Variants in TP53I13 observed in about 807,000 individuals in gnomAD.
The protein encoded by TP53I13 is tumor protein p53-inducible protein 13.
A neutral mutation model predicts 39.1 loss-of-function variants in TP53I13; 27 were observed. The observed-to-expected ratio is 0.69, with a 90% CI of 0.51 to 0.95. The LOEUF (loss-of-function observed/expected upper bound fraction) is 0.95. Among genes scored for constraint, TP53I13 ranks in the 40% least tolerant of loss-of-function variants. The pLI is 0.00. For missense variants in TP53I13, 544 were observed against 520.4 expected, an observed-to-expected ratio of 1.05 and a Z score of -0.44; for synonymous variants, 230 against 224.6, an observed-to-expected ratio of 1.02 and a Z score of -0.22.
At chr17:29,574,523 T>A, downstream of TP53I13, 1 of 667,112 alleles carries the variant, frequency 1.5e-6, no homozygotes, top group South Asian at 1.7e-5. Context: ...CCCCCCCACC[T>A]CCCCATCCTT....
chr17:29,569,381 C>G, intron 3 of TP53I13, 22 bp downstream of exon 3: 11 of 1,612,678 alleles, frequency 6.8e-6, no homozygotes, highest in Non-Finnish European at 9.3e-6. Context: ...CAGGGGCCCA[C>G]CACCCTTGGT....
intron 3 of TP53I13, 82 bp downstream of exon 3, chr17:29,569,441 C>A: frequency 7.2e-7 from 1 of 1,382,056 alleles, no homozygotes; most frequent in Middle Eastern, 2.0e-4. Context: ...GCCTGTTCTG[C>A]TGATCGGCCC....
At chr17:29,578,701 A>G in the TP53I13 span, 2 of 1,599,186 alleles carry the variant, frequency 1.3e-6, no homozygotes, top group South Asian at 2.2e-5. Context: ...GCCAGCTTCA[A>G]GTGTCAGGGC....
rs1416622735 is a variant in TP53I13 at position 29,572,969 on chromosome 17, G to C, written c.*45G>C. On this transcript the variant is annotated 3_prime_UTR_variant, in exon 7 of 7. Coordinates refer to ENST00000301057, the MANE Select transcript of TP53I13 (RefSeq NM_138349.4). Reference sequence around the variant, plus strand: ...GTGGCGTGCGGCTCCTCCCCGCGCCGCGAGGCCGCGACCTCTGCCACGTGG... The same window carrying C: ...GTGGCGTGCGGCTCCTCCCCGCGCCCCGAGGCCGCGACCTCTGCCACGTGG... 7.4e-7 allele frequency: 1 copy of C among 1,347,276 alleles called. No individual in the cohort carries two copies. Among genetic ancestry groups the C allele is most frequent in the African/African-American group, 1.5e-5 (1 of 64,900 alleles). 83.5% of individuals were successfully genotyped at this position (1,347,276 alleles called of 1,614,324 possible).
chr17:29,566,993 A>C (rs2032733428), upstream of TP53I13: 4 of 1,287,464 alleles, frequency 3.1e-6, no homozygotes, highest in Non-Finnish European at 3.9e-6. Flanking sequence ...CCCGGCGGGC[A>C]GCGGGCGGCG....
chr17:29,570,293 A>T lies in TP53I13; in HGVS notation c.183+934A>T, dbSNP rs573175555. 7.4e-5 allele frequency: 11 copies of T among 147,958 alleles called. No individual in the cohort carries two copies. The East Asian group carries it at 2.4e-3, about 32-fold the overall frequency. 9.2% of individuals were successfully genotyped at this position (147,958 alleles called of 1,614,324 possible). A position where few individuals can be genotyped will look rare whatever the true frequency, so the allele number is the denominator to read the frequency against. ...GAGGCTGAGGCGGGTGGAACACCTG[A>T]GGTCAGGAGTTCAAGACCAGCTTGG... On this transcript the variant is annotated intron_variant, in intron 3 of 6. Coordinates refer to ENST00000301057, the MANE Select transcript of TP53I13 (RefSeq NM_138349.4).
At chr17:29,576,469 G>A (rs73986960), downstream of TP53I13, 1 of 1,612,890 alleles carries the variant, frequency 6.2e-7, no homozygotes, top group Non-Finnish European at 8.5e-7. Context: ...GCAAAGTGCT[G>A]TCAACCCCCT....
rs1041455364 is a variant in TP53I13 at position 29,569,492 on chromosome 17, T to G, written c.183+133T>G. The G allele has an allele frequency of 6.0e-6, 5 of 831,726 alleles. No individual in the cohort carries two copies. The Admixed American group carries it at 1.2e-4, about 20-fold the overall frequency. 51.5% of individuals were successfully genotyped at this position (831,726 alleles called of 1,614,324 possible). A position where few individuals can be genotyped will look rare whatever the true frequency, so the allele number is the denominator to read the frequency against. ...CCCTCAGGCAGAGGCAGGGTTCTAGTTCTCTGCCCCACCTCCAAGCCCAGG... is the reference window on the plus strand; with the variant it reads ...CCCTCAGGCAGAGGCAGGGTTCTAGGTCTCTGCCCCACCTCCAAGCCCAGG... On this transcript the variant is annotated intron_variant, in intron 3 of 6. Coordinates refer to ENST00000301057, the MANE Select transcript of TP53I13 (RefSeq NM_138349.4).
downstream of TP53I13, chr17:29,575,787 T>G: frequency 6.2e-7 from 1 of 1,608,972 alleles, no homozygotes. This position sits in a 1 kb window ranked among gnomAD's most constrained non-coding sequence, Gnocchi z 5.5. Context: ...AGCCACCCTG[T>G]GGGCACTGGG....
the TP53I13 span, chr17:29,581,305 G>C: frequency 6.4e-7 from 1 of 1,572,350 alleles, no homozygotes; most frequent in Non-Finnish European, 8.8e-7. The surrounding 1 kb of genome is among the most constrained non-coding windows in gnomAD (Gnocchi z 4.8). Context: ...GCATCCAACA[G>C]CCTCTGGAAA....
chr17:29,572,870 A>AC lies in TP53I13; in HGVS notation c.1132dup (p.Leu378ProfsTer68). 3 of 1,520,724 alleles carry AC rather than the reference A, an allele frequency of 2.0e-6. No homozygotes were observed. The highest frequency in any genetic ancestry group is 2.0e-5 in the Admixed American group (1 of 49,838). 94.2% of individuals were successfully genotyped at this position (1,520,724 alleles called of 1,614,324 possible). ...GCCGGGTCAAGCGCTCGCGCCGGAG[A>AC]CCCCTCCTCCCGCCCACGCCGGACA... On this transcript the variant is annotated frameshift_variant, in exon 7 of 7. Coordinates refer to ENST00000301057, the MANE Select transcript of TP53I13 (RefSeq NM_138349.4). LOFTEE classifies it high-confidence loss of function.
Position 29,572,939 on chromosome 17 carries a change from C to G in TP53I13, c.*15C>G. On this transcript the variant is annotated 3_prime_UTR_variant, in exon 7 of 7. Transcript: ENST00000301057. ...GCTCGGAGTGACGGCCTGGGACCTGCCACTGTGGCGTGCGGCTCCTCCCCG... is the reference window on the plus strand; with the variant it reads ...GCTCGGAGTGACGGCCTGGGACCTGGCACTGTGGCGTGCGGCTCCTCCCCG... 7.0e-7 allele frequency: 1 copy of G among 1,434,186 alleles called. No homozygotes were observed. Among genetic ancestry groups the G allele is most frequent in the Non-Finnish European group, 9.1e-7 (1 of 1,098,456 alleles). 88.8% of individuals were successfully genotyped at this position (1,434,186 alleles called of 1,614,324 possible). A position where few individuals can be genotyped will look rare whatever the true frequency, so the allele number is the denominator to read the frequency against.
At chr17:29,576,763 C>T, downstream of TP53I13, 1 of 1,583,038 alleles carries the variant, frequency 6.3e-7, no homozygotes, top group South Asian at 1.1e-5. Context: ...GAGCAGCCCA[C>T]CTGTCCCTCA....
Position 29,568,924 on chromosome 17 carries a change from C to T in TP53I13, c.72+94C>T. On this transcript the variant is annotated intron_variant, in intron 1 of 6. Transcript: ENST00000301057. This position sits in a 1 kb window ranked among gnomAD's most constrained non-coding sequence, Gnocchi z 4.5. The stretch of plus-strand genomic sequence containing the variant: ...GGAAGGAGTGGCGCGCCGAGGGGGA[C>T]GCGGAGTTCTTCCGCTGGCGGGCTG... 2 of 1,594,552 alleles carry T rather than the reference C, an allele frequency of 1.3e-6. No individual in the cohort carries two copies. The highest frequency in any genetic ancestry group is 1.7e-6 in the Non-Finnish European group (2 of 1,172,516).
At chr17:29,571,441 A>T in intron 3 of TP53I13, 150 bp from the exon 4 acceptor site, 1 of 1,040,530 alleles carries the variant, frequency 9.6e-7, no homozygotes, top group Non-Finnish European at 1.4e-6. Flanking sequence ...GCCAATACCC[A>T]GGGCCCTTTG....
Position 29,573,001 on chromosome 17 carries a change from C to G in TP53I13, c.*77C>G, listed in dbSNP as rs1025338562. 2.4e-5 allele frequency: 28 copies of G among 1,183,214 alleles called. No individual in the cohort carries two copies. Among genetic ancestry groups the G allele is most frequent in the Non-Finnish European group, 3.0e-5 (27 of 913,848 alleles). 73.3% of individuals were successfully genotyped at this position (1,183,214 alleles called of 1,614,324 possible). ...CGCGACCTCTGCCACGTGGACCGCG[C>G]GCGGGGCGCTCCCTGGTGGCGATGG... On this transcript the variant is annotated 3_prime_UTR_variant, in exon 7 of 7. Coordinates refer to ENST00000301057, the MANE Select transcript of TP53I13 (RefSeq NM_138349.4).
In TP53I13 at chr17:29,571,862, G is replaced by A. The variant is rs1448903009; in HGVS notation, c.318G>A (p.Leu106=). 2 of 1,613,158 alleles carry A rather than the reference G, an allele frequency of 1.2e-6. No individual in the cohort carries two copies. The highest frequency in any genetic ancestry group is 2.7e-5 in the African/African-American group (2 of 74,938). Residue 106 remains leucine, a synonymous_variant, in exon 5 of 7, where the codon CTG becomes CTA. Coordinates refer to ENST00000301057, the MANE Select transcript of TP53I13 (RefSeq NM_138349.4). The part of the protein sequence containing the change: ...PDFSLTQDRP[L]VLTAWGLALE... The stretch of plus-strand genomic sequence containing the variant: ...ACAGTTACCTCCTCTCGTAGCCCCT[G>A]GTGCTGACTGCATGGGGGCTGGCGC...
chr17:29,572,796 G>T lies in TP53I13; in HGVS notation c.1070-16G>T, dbSNP rs1407868179. On this transcript the variant is annotated splice_polypyrimidine_tract_variant and intron_variant, in intron 6 of 6. Transcript: ENST00000301057. ...CCTGCCCTCCCGCCCTTGACTGCTCGGCGCCCGGCCCACAGCTGTGCTGAA... is the reference window on the plus strand; with the variant it reads ...CCTGCCCTCCCGCCCTTGACTGCTCTGCGCCCGGCCCACAGCTGTGCTGAA... 6.6e-7 allele frequency: 1 copy of T among 1,521,142 alleles called. No individual in the cohort carries two copies. 94.2% of individuals were successfully genotyped at this position (1,521,142 alleles called of 1,614,324 possible). A position where few individuals can be genotyped will look rare whatever the true frequency, so the allele number is the denominator to read the frequency against.
downstream of TP53I13, chr17:29,576,959 G>A (rs142617234): frequency 3.7e-6 from 6 of 1,601,476 alleles, no homozygotes; most frequent in African/African-American, 1.3e-5. Flanking sequence ...GTTGGTCGTC[G>A]AGGTCACTCT....
Sources: gnomAD v4.1 joint callset for allele counts on GRCh38, gnomAD v4.1.1 for gene constraint, Gnocchi (gnomAD v3.1) non-coding constraint, MANE v1.5 for transcripts, NCBI Gene and HGNC (gene_info 2026-07-23, HGNC 2026-07-21) for gene names.